Variants in PKD1L3 observed in about 807,000 individuals in gnomAD.
PKD1L3 encodes the protein polycystin 1 like 3, transient receptor potential channel interacting.
PKD1L3 carries 239 observed loss-of-function variants against 184.1 expected under a neutral mutation model. The observed-to-expected ratio is 1.30, with a 90% confidence interval of 1.17 to 1.45. The LOEUF (loss-of-function observed/expected upper bound fraction) is 1.45, where lower values mean the gene tolerates loss of function less well. PKD1L3 is among the 40% of genes most tolerant of loss of function. The pLI is 0.00. For synonymous variants in PKD1L3, 996 were observed against 778.8 expected (o/e 1.28, Z -4.64); for missense variants, 2,660 against 2,067.2 (o/e 1.29, Z -5.56).
At chr16:71,950,097 A>G in intron 20 of PKD1L3, 21 bp downstream of exon 20, 1 of 1,549,330 alleles carries the variant, frequency 6.5e-7, no homozygotes, top group Non-Finnish European at 8.7e-7. Flanking sequence ...GGGATAAAGA[A>G]GGCTTGGTGT....
chr16:71,994,535 C>T (rs1252743913), intron 2 of PKD1L3, among the ~76,000 whole-genome samples: 1 of 152,124 alleles, frequency 6.6e-6, no homozygotes, highest in African/African-American at 2.4e-5. Flanking sequence ...ATCATTCCTG[C>T]ATGCTATTTC....
At position 71,963,357 on chromosome 16, in the gene PKD1L3, G is replaced by C; in HGVS notation, c.2466-6C>G. ...CAATTACCTGGCTGACATACCTATAGTAAAATGAAGATAACCACATTAGGG... is the reference window on the plus strand; with the variant it reads ...CAATTACCTGGCTGACATACCTATACTAAAATGAAGATAACCACATTAGGG... On this transcript the variant is annotated splice_polypyrimidine_tract_variant and splice_region_variant and intron_variant, in intron 15 of 29. Coordinates refer to ENST00000620267, the MANE Select transcript of PKD1L3 (RefSeq NM_181536.2). 6.5e-7 allele frequency: 1 copy of C among 1,544,222 alleles called. No individual in the cohort carries two copies. The highest frequency in any genetic ancestry group is 1.4e-5 in the African/African-American group (1 of 72,926).
Position 71,954,108 on chromosome 16 carries a change from G to T in PKD1L3, c.2806C>A (p.Gln936Lys), listed in dbSNP as rs1164716211. The T allele has an allele frequency of 4.6e-6, 7 of 1,532,082 alleles. No individual in the cohort carries two copies. The highest frequency in any genetic ancestry group is 5.3e-6 in the Non-Finnish European group (6 of 1,139,148). 94.9% of individuals were successfully genotyped at this position (1,532,082 alleles called of 1,614,324 possible). A position where few individuals can be genotyped will look rare whatever the true frequency, so the allele number is the denominator to read the frequency against. ...INSTTAKRDE[Q>K]MRPFAVAWSE... is the part of the protein sequence containing the mutation. ...ACACATCAGGGCTCATCCATACTTT[G>T]CTCATCTCTCTTGGCAGTGGTGCTG... is the stretch of plus-strand genomic sequence containing the variant. Residue 936 changes from glutamine (Q) to lysine (K), a missense_variant, in exon 17 of 30, where the codon CAA (glutamine) becomes AAA (lysine). Physicochemically the swap from Gln to Lys is moderately conservative, Grantham distance 53 (BLOSUM62 1). Transcript: ENST00000620267.
chr16:71,982,915 ACTT>A (rs1025291969), intron 6 of PKD1L3, among the ~76,000 whole-genome samples: 15 of 152,234 alleles, frequency 9.9e-5, no homozygotes, highest in African/African-American at 2.6e-4. Flanking sequence ...CAATTTGCAT[ACTT>A]CTTATTAGCA....
At chr16:71,990,031 A>T (rs1343184628) in intron 4 of PKD1L3, among the ~76,000 whole-genome samples, 1 of 148,350 alleles carries the variant, frequency 6.7e-6, no homozygotes, top group Non-Finnish European at 1.5e-5. Context: ...GCCAAGATGG[A>T]TGGCACCATT....
At chr16:71,970,322 G>C (rs2039664563) in intron 12 of PKD1L3, among the ~76,000 whole-genome samples, 1 of 152,140 alleles carries the variant, frequency 6.6e-6, no homozygotes, top group Admixed American at 6.6e-5. Flanking sequence ...TGCAATTCCA[G>C]TTCTGAGTGT....
In PKD1L3 at chr16:71,951,699, G is replaced by A. The variant is rs1395293885; in HGVS notation, c.3055C>T (p.Leu1019=). 1.3e-5 allele frequency: 20 copies of A among 1,551,456 alleles called. No homozygotes were observed. Among genetic ancestry groups the A allele is most frequent in the Non-Finnish European group, 1.7e-5 (20 of 1,146,936 alleles). Residue 1019 remains leucine (L), a synonymous_variant, in exon 19 of 30, where the codon CTA becomes TTA. Transcript: ENST00000620267. The part of the protein sequence containing the change: ...VRFLLRRNTY[L]LSKCEQPPWS... Reference sequence around the variant, plus strand: ...GGCGGCTGCTCACACTTGGAGAGTAGGTATGTATTTCTCCTGAGCAGGAAT... The same window carrying A: ...GGCGGCTGCTCACACTTGGAGAGTAAGTATGTATTTCTCCTGAGCAGGAAT...
intron 9 of PKD1L3, among the ~76,000 whole-genome samples, 159 bp from the exon 10 acceptor site, chr16:71,978,542 CT>C (rs11329882): frequency 0.071 from 4,072 of 57,642 alleles, 309 homozygotes; most frequent in East Asian, 0.38. Flanking sequence ...TACATACATA[CT>C]TTTTTTTTTT....
chr16:71,963,120 T>G (rs1466435551), intron 16 of PKD1L3, 85 bp downstream of exon 16: 2 of 1,312,052 alleles, frequency 1.5e-6, no homozygotes, highest in South Asian at 1.7e-5. Context: ...AAATGTTAAT[T>G]TGCATTAAAA....
chr16:71,950,081 T>C, intron 20 of PKD1L3, 37 bp downstream of exon 20: 3 of 1,548,666 alleles, frequency 1.9e-6, no homozygotes, highest in Middle Eastern at 1.7e-4. Flanking sequence ...ATGAGGAAGA[T>C]TACAGGGGAT....
rs995448938 is a variant in PKD1L3 at position 71,986,987 on chromosome 16, C to T, written c.586-518G>A. Among the ~76,000 whole-genome samples, 9 of 136,444 alleles carry T rather than the reference C, an allele frequency of 6.6e-5. No homozygotes were observed. In the South Asian group the frequency reaches 6.9e-4, roughly 10 times the overall value. The allele number at this position is 136,444 out of a possible 152,430, so 89.5% of individuals were successfully genotyped here. A position where few individuals can be genotyped will look rare whatever the true frequency, so the allele number is the denominator to read the frequency against. On this transcript the variant is annotated intron_variant, in intron 4 of 29. Transcript: ENST00000620267. ...TCTCCCAGGCTGGAGTGCAGTGGCA[C>T]GATCTCGGCTCACTGCAGCCTCCGC...
chr16:71,969,673 C>G (rs1267139000), intron 13 of PKD1L3, among the ~76,000 whole-genome samples: 2 of 147,432 alleles, frequency 1.4e-5, no homozygotes, highest in African/African-American at 2.5e-5. Flanking sequence ...ATCTTGGAAC[C>G]AAAGGAAAAA....
At chr16:71,982,361 C>G (rs2040196749) in intron 6 of PKD1L3, 126 bp from the exon 7 acceptor site, 1 of 747,374 alleles carries the variant, frequency 1.3e-6, no homozygotes, top group Non-Finnish European at 1.9e-6. Context: ...TATCGACTCA[C>G]TGCAACCTCT....
intron 3 of PKD1L3, among the ~76,000 whole-genome samples, chr16:71,992,746 C>T (rs563870898): frequency 5.0e-4 from 76 of 152,260 alleles, no homozygotes; most frequent in African/African-American, 1.7e-3. Flanking sequence ...TGAGGTCATA[C>T]CCCGAAGAGT....
At chr16:71,949,345 G>GC (rs2038739430) in intron 21 of PKD1L3, among the ~76,000 whole-genome samples, 1 of 135,354 alleles carries the variant, frequency 7.4e-6, no homozygotes, top group African/African-American at 2.8e-5. Context: ...ATGTCAGTTT[G>GC]CTTTTTTTTT....
At position 71,963,196 on chromosome 16, in the gene PKD1L3, C is replaced by T; in HGVS notation, c.2612+9G>A. The stretch of plus-strand genomic sequence containing the variant: ...ATATTCACTGTTAATAGTAATTTTC[C>T]AACAGTACCTAAAGGAAAAGAGCTC... On this transcript the variant is annotated intron_variant, in intron 16 of 29. Transcript: ENST00000620267. The T allele has an allele frequency of 1.3e-6, 2 of 1,536,378 alleles. No homozygotes were observed. The highest frequency in any genetic ancestry group is 1.2e-5 in the South Asian group (1 of 81,358).
intron 6 of PKD1L3, among the ~76,000 whole-genome samples, chr16:71,983,537 G>A (rs144713464): frequency 6.6e-6 from 1 of 151,874 alleles, no homozygotes; most frequent in Admixed American, 6.6e-5. Context: ...ATCCAACAAT[G>A]TCACTACTGA....
chr16:71,967,981 A>G lies in PKD1L3; in HGVS notation c.2211T>C (p.Asn737=). 1 of 1,551,552 alleles carries G rather than the reference A, an allele frequency of 6.4e-7. No individual in the cohort carries two copies. The highest frequency in any genetic ancestry group is 8.7e-7 in the Non-Finnish European group (1 of 1,146,870). The change falls in exon 14 of 30, where the codon AAT becomes AAC. Residue 737 remains asparagine, a synonymous_variant. Coordinates refer to ENST00000620267, the MANE Select transcript of PKD1L3 (RefSeq NM_181536.2). ...QKVKVTVLAD[N]DPSAQFHYLI... is the part of the protein sequence containing the mutation. ...GGTAGTGAAATTGAGCGCTGGGGTCATTATCAGCCAGGACAGTGACCTTCA... is the reference window on the plus strand; with the variant it reads ...GGTAGTGAAATTGAGCGCTGGGGTCGTTATCAGCCAGGACAGTGACCTTCA...
chr16:71,930,270 TATC>T, intron 28 of PKD1L3, 87 bp from the exon 29 acceptor site: 2 of 1,324,304 alleles, frequency 1.5e-6, no homozygotes, highest in Admixed American at 3.1e-5. Flanking sequence ...TTTGGGATCT[TATC>T]AGAAGAAAAG....
Sources: gnomAD v4.1 joint callset for allele counts (sites outside exome capture counted in the v4.1 genomes callset) on GRCh38, gnomAD v4.1.1 for gene constraint, MANE v1.5 for transcripts, NCBI Gene and HGNC (gene_info 2026-07-23, HGNC 2026-07-21) for gene names.